FOXP2: variants seen among roughly 807,000 people sequenced by gnomAD.
FOXP2 encodes the protein forkhead box protein P2.
In FOXP2, 12 loss-of-function variants were observed where a neutral mutation model predicts 115.8. The ratio of observed to expected loss-of-function variants is 0.10; its 90% CI spans 0.07 to 0.17. FOXP2 has a LOEUF of 0.17. FOXP2 is among the 10% of genes least tolerant of loss of function. The pLI is 1.00. For missense variants in FOXP2, 629 were observed against 843.5 expected (o/e 0.75, Z 3.15); for synonymous variants, 328 against 297.7 (o/e 1.10, Z -1.05).
chr7:114,286,524 T>A (rs1378350678), intron 1 of FOXP2, among the ~76,000 whole-genome samples: 3 of 152,002 alleles, frequency 2.0e-5, no homozygotes, highest in Non-Finnish European at 4.4e-5. Context: ...ACTAAAGAAA[T>A]CCACTTCTTT....
chr7:114,329,310 G>C (rs913081208), intron 2 of FOXP2, among the ~76,000 whole-genome samples: 4 of 152,160 alleles, frequency 2.6e-5, no homozygotes, highest in Middle Eastern at 3.4e-3. Flanking sequence ...CTGAGGTCAG[G>C]AGTTCAAGAC....
intron 1 of FOXP2, among the ~76,000 whole-genome samples, chr7:114,274,387 T>A (rs1305372219): frequency 6.6e-6 from 1 of 152,130 alleles, no homozygotes; most frequent in Non-Finnish European, 1.5e-5. Flanking sequence ...CCTTCTCTTA[T>A]TCCTTCTATT....
chr7:114,220,798 A>G (rs1199365710), intron 1 of FOXP2, among the ~76,000 whole-genome samples: 1 of 152,224 alleles, frequency 6.6e-6, no homozygotes, highest in Non-Finnish European at 1.5e-5. Context: ...TTAGTGTATT[A>G]ATGTTCTTTA....
At chr7:114,104,799 AAAAT>A (rs1231879980) in intron 1 of FOXP2, among the ~76,000 whole-genome samples, 1 of 152,022 alleles carries the variant, frequency 6.6e-6, no homozygotes, top group East Asian at 1.9e-4. Context: ...TTATTGTTAG[AAAAT>A]AAATACATTT....
chr7:114,583,336 C>T (rs1801964238), intron 3 of FOXP2, among the ~76,000 whole-genome samples: 1 of 152,050 alleles, frequency 6.6e-6, no homozygotes, highest in African/African-American at 2.4e-5. Flanking sequence ...AGAGATCACT[C>T]CACTGCACTC....
rs976102976 is a variant in FOXP2, at chr7:114,414,865, GTC to G, written c.-494_-493del. 326 of 333,884 alleles carry G rather than the reference GTC, an allele frequency of 9.8e-4. No homozygotes were observed. The highest frequency in any genetic ancestry group is 1.8e-3 in the South Asian group (74 of 41,262). The allele number at this position is 333,884 out of a possible 1,614,324, so 20.7% of individuals were successfully genotyped here. A position where few individuals can be genotyped will look rare whatever the true frequency, so the allele number is the denominator to read the frequency against. On this transcript the variant is annotated 5_prime_UTR_variant, in exon 1 of 17. It removes the in-frame stop codon of an upstream open reading frame in the 5' UTR. Transcript: ENST00000350908. ...TTGAGAGACTCAAACTGGTGCTTTT[GTC>G]TCTCTCTCTCTGTCTTTCTCTCTCT... is the stretch of plus-strand genomic sequence containing the variant.
chr7:114,354,141 G>A (rs1791559830), intron 2 of FOXP2, among the ~76,000 whole-genome samples: 1 of 152,092 alleles, frequency 6.6e-6, no homozygotes, highest in Non-Finnish European at 1.5e-5. Flanking sequence ...TATGATTCCT[G>A]TTTGAGACAT....
intron 2 of FOXP2, among the ~76,000 whole-genome samples, chr7:114,390,653 C>G (rs1792572282): frequency 6.6e-6 from 1 of 152,002 alleles, no homozygotes. Flanking sequence ...TCCCTGGGCT[C>G]AGGTAACCCT....
chr7:114,581,429 A>G (rs532589455), intron 3 of FOXP2, among the ~76,000 whole-genome samples: 1 of 152,120 alleles, frequency 6.6e-6, no homozygotes, highest in South Asian at 2.1e-4. Context: ...GACGTGAGCC[A>G]CTGTGCCTGG....
At position 114,280,457 on chromosome 7, in the gene FOXP2, C is replaced by T. The variant is rs1528094; in HGVS notation, c.-101-7562C>T. 6.0e-3 allele frequency among the ~76,000 whole-genome samples: 918 copies of T among 152,142 alleles called. 9 individuals are homozygous for T. Among genetic ancestry groups the T allele is most frequent in the African/African-American group, 0.02 (847 of 41,526 alleles). On this transcript the variant is annotated intron_variant, in intron 1 of 17. Transcript: ENST00000634411. ...GTTATTTTAGACATGTATTATTCTT[C>T]GCTCATCATAGTAGCGTACATTTAC...
chr7:114,368,765 A>G (rs1584671122), intron 2 of FOXP2, among the ~76,000 whole-genome samples: 3 of 152,340 alleles, frequency 2.0e-5, no homozygotes, highest in Admixed American at 2.0e-4. Flanking sequence ...GCTTGTAAAC[A>G]GAACTCTTGT....
At chr7:114,490,219 G>A (rs780614644) in intron 2 of FOXP2, among the ~76,000 whole-genome samples, 4 of 152,106 alleles carry the variant, frequency 2.6e-5, no homozygotes, top group Non-Finnish European at 5.9e-5. Flanking sequence ...ATAGACAATG[G>A]AGTGTTATTC....
chr7:114,673,819 C>T (rs1159970964), intron 16 of FOXP2, among the ~76,000 whole-genome samples: 3 of 152,128 alleles, frequency 2.0e-5, no homozygotes, highest in African/African-American at 4.8e-5. Context: ...CCTGTCTCAG[C>T]CTCCTGAGTA....
chr7:114,512,199 G>T (rs2129262401), intron 2 of FOXP2, among the ~76,000 whole-genome samples: 1 of 152,242 alleles, frequency 6.6e-6, no homozygotes, highest in Middle Eastern at 3.4e-3. Flanking sequence ...TTCTCAAAGT[G>T]AACAGAAAGG....
chr7:114,465,509 C>A (rs755837059), intron 2 of FOXP2, among the ~76,000 whole-genome samples: 1 of 152,020 alleles, frequency 6.6e-6, no homozygotes, highest in African/African-American at 2.4e-5. Flanking sequence ...AAAGTCTAAG[C>A]CTTAAAGAGA....
chr7:114,685,548 G>C (rs1408142527), intron 16 of FOXP2, among the ~76,000 whole-genome samples: 2 of 152,114 alleles, frequency 1.3e-5, no homozygotes, highest in Non-Finnish European at 2.9e-5. Flanking sequence ...TTACCCCACA[G>C]TGTGCAATAA....
chr7:114,686,216 A>G (rs1808357534), intron 16 of FOXP2, among the ~76,000 whole-genome samples: 3 of 151,166 alleles, frequency 2.0e-5, no homozygotes, highest in Non-Finnish European at 4.4e-5. Flanking sequence ...TCTGTCACCC[A>G]GGCTGGAGTC....
rs78278010 is a variant in FOXP2, at chr7:114,570,754, A to T, written c.258+36048A>T. On this transcript the variant is annotated intron_variant, in intron 3 of 16. Coordinates refer to ENST00000350908, the MANE Select transcript of FOXP2 (RefSeq NM_014491.4). The stretch of plus-strand genomic sequence containing the variant: ...AAATGATAATGTACGTTATTAGCAC[A>T]AGCCTTAAGATTGAAAAAAAAGCCA... 1,832 of 1,321,346 alleles carry T rather than the reference A, an allele frequency of 1.4e-3. 18 individuals carry two copies. In the African/African-American group the frequency reaches 0.023, roughly 16 times the overall value. 81.9% of individuals were successfully genotyped at this position (1,321,346 alleles called of 1,614,324 possible).
At chr7:114,300,857 T>C (rs1315771486) in intron 2 of FOXP2, among the ~76,000 whole-genome samples, 3 of 152,014 alleles carry the variant, frequency 2.0e-5, no homozygotes, top group Non-Finnish European at 4.4e-5. Flanking sequence ...TGAAAAGCAC[T>C]CCTTTTCATT....
Sources: allele counts gnomAD v4.1 joint callset (sites outside exome capture counted in the v4.1 genomes callset), GRCh38; gene constraint gnomAD v4.1.1; transcripts MANE v1.5; gene names NCBI Gene and HGNC (gene_info 2026-07-23, HGNC 2026-07-21).